AIG1: variants seen among roughly 807,000 people sequenced by gnomAD.
The protein encoded by AIG1 is androgen-induced gene 1 protein.
Under a neutral mutation model 31.4 loss-of-function variants are expected in AIG1, and 23 were observed. That is an observed-to-expected ratio of 0.73 (90% confidence interval 0.53 to 1.04). AIG1 has a LOEUF of 1.04. Among genes scored for constraint, AIG1 ranks in the 50% least tolerant of loss-of-function variants. AIG1 has a pLI of 0.00. For missense variants in AIG1, 274 were observed against 295.0 expected, an observed-to-expected ratio of 0.93 and a Z score of 0.52; for synonymous variants, 100 against 110.5, an observed-to-expected ratio of 0.90 and a Z score of 0.60.
chr6:143,200,852 T>G (rs1189160150), intron 3 of AIG1, among the ~76,000 whole-genome samples: 1 of 152,158 alleles, frequency 6.6e-6, no homozygotes, highest in Admixed American at 6.5e-5. Context: ...GATTTCTTCC[T>G]ACTCCACAGT....
intron 1 of AIG1, among the ~76,000 whole-genome samples, chr6:143,135,506 C>CTT (rs1783653279): frequency 6.6e-6 from 1 of 152,104 alleles, no homozygotes; most frequent in African/African-American, 2.4e-5. Flanking sequence ...GTCTTAGCTT[C>CTT]TTTTACTCTG....
intron 3 of AIG1, among the ~76,000 whole-genome samples, chr6:143,234,072 G>T (rs1267355761): frequency 1.3e-5 from 2 of 152,112 alleles, no homozygotes; most frequent in Non-Finnish European, 2.9e-5. Context: ...GTGCTTGAAC[G>T]GCAGGCAATG....
At chr6:143,132,283 C>T (rs1315831267) in intron 1 of AIG1, among the ~76,000 whole-genome samples, 2 of 152,124 alleles carry the variant, frequency 1.3e-5, no homozygotes, top group Non-Finnish European at 2.9e-5. Flanking sequence ...CTTCATTCCT[C>T]TAATATATCC....
rs908998332 is a variant in AIG1 at position 143,293,591 on chromosome 6, C to T, written c.515+9366C>T. On this transcript the variant is annotated intron_variant, in intron 4 of 5. Coordinates refer to ENST00000357847, the MANE Select transcript of AIG1 (RefSeq NM_016108.4). This position sits in a 1 kb window ranked among gnomAD's most constrained non-coding sequence, Gnocchi z 4.8. ...TCAGCTTCTTAGACCTGCATCTGGA[C>T]AGAAAAGGCTTGTGTATATAATCTG... Among the ~76,000 whole-genome samples the T allele has an allele frequency of 6.6e-6, 1 of 152,178 alleles. No homozygotes were observed. The highest frequency in any genetic ancestry group is 1.5e-5 in the Non-Finnish European group (1 of 68,042).
chr6:143,259,967 T>G (rs1468431781), intron 3 of AIG1, among the ~76,000 whole-genome samples: 1 of 151,904 alleles, frequency 6.6e-6, no homozygotes, highest in Non-Finnish European at 1.5e-5. Flanking sequence ...CAAAGCTGCA[T>G]TGGAGAAGGG....
chr6:143,220,830 A>T (rs1792438688), intron 3 of AIG1, among the ~76,000 whole-genome samples: 1 of 152,192 alleles, frequency 6.6e-6, no homozygotes, highest in Non-Finnish European at 1.5e-5. Context: ...ATTTTTTAAA[A>T]GTTCTTTCTT....
chr6:143,179,303 T>C (rs565458230), intron 3 of AIG1, among the ~76,000 whole-genome samples: 2 of 152,314 alleles, frequency 1.3e-5, no homozygotes, highest in Admixed American at 6.5e-5. Flanking sequence ...CCTGTTGAGA[T>C]CTGTATAATT....
chr6:143,123,992 G>T (rs1782452013), intron 1 of AIG1, among the ~76,000 whole-genome samples: 2 of 152,184 alleles, frequency 1.3e-5, no homozygotes, highest in African/African-American at 2.4e-5. Context: ...AACTCAGACT[G>T]CCAGTCTGAA....
chr6:143,205,256 C>T (rs1190982607), intron 3 of AIG1, among the ~76,000 whole-genome samples: 1 of 152,174 alleles, frequency 6.6e-6, no homozygotes, highest in Non-Finnish European at 1.5e-5. Context: ...ATGAAATCTG[C>T]TTTCTACAAA....
At chr6:143,166,499 C>T (rs559749179) in intron 3 of AIG1, among the ~76,000 whole-genome samples, 1 of 152,324 alleles carries the variant, frequency 6.6e-6, no homozygotes, top group Admixed American at 6.5e-5. Context: ...ACTCCCCAAG[C>T]AAAGTTAGCT....
intron 1 of AIG1, among the ~76,000 whole-genome samples, chr6:143,121,121 A>G (rs561393610): frequency 3.3e-5 from 5 of 152,372 alleles, no homozygotes; most frequent in East Asian, 1.9e-4. Context: ...CTTGCTGTCA[A>G]TAAATACATG....
At chr6:143,285,324 G>A (rs1033217537) in intron 4 of AIG1, among the ~76,000 whole-genome samples, 1 of 150,660 alleles carries the variant, frequency 6.6e-6, no homozygotes, top group African/African-American at 2.4e-5. Context: ...GGACAAGCAT[G>A]AGCCACCGCG....
intron 1 of AIG1, among the ~76,000 whole-genome samples, chr6:143,095,857 A>C (rs961386734): frequency 5.9e-5 from 9 of 152,064 alleles, no homozygotes; most frequent in Non-Finnish European, 7.4e-5. Context: ...CTATTGGTCA[A>C]AAATTGAGCT....
Position 143,152,678 on chromosome 6 carries a change from G to A in AIG1, c.298-12404G>A, listed in dbSNP as rs145534635. On this transcript the variant is annotated intron_variant, in intron 2 of 5. Coordinates refer to ENST00000357847, the MANE Select transcript of AIG1 (RefSeq NM_016108.4). ...GGGTTAGTTATTAGAATGGTAAAATGTTCACCTTATGGGATGATCTCACCT... is the reference window on the plus strand; with the variant it reads ...GGGTTAGTTATTAGAATGGTAAAATATTCACCTTATGGGATGATCTCACCT... 2.0e-4 allele frequency among the ~76,000 whole-genome samples: 30 copies of A among 152,232 alleles called. No homozygotes were observed. The East Asian group carries it at 5.6e-3, about 28-fold the overall frequency.
At chr6:143,322,554 A>G (rs1776298960) in intron 4 of AIG1, among the ~76,000 whole-genome samples, 1 of 152,224 alleles carries the variant, frequency 6.6e-6, no homozygotes, top group South Asian at 2.1e-4. Context: ...AAAACAGGTC[A>G]TGAATGTTAT....
rs1776808884 is a variant in AIG1, at chr6:143,328,648, G to A, written c.516-4634G>A. Among the ~76,000 whole-genome samples, 1 of 152,102 alleles carries A rather than the reference G, an allele frequency of 6.6e-6. No individual in the cohort carries two copies. The highest frequency in any genetic ancestry group is 2.4e-5 in the African/African-American group (1 of 41,434). ...AGATGTACACAGTTTCAAGGTATAT[G>A]TGTAATTTAATTCATTCATATAAGC... On this transcript the variant is annotated intron_variant, in intron 4 of 5. Transcript: ENST00000357847. The surrounding 1 kb of genome is among the most constrained non-coding windows in gnomAD (Gnocchi z 4.0).
intron 1 of AIG1, among the ~76,000 whole-genome samples, chr6:143,132,580 G>A (rs1783343354): frequency 6.6e-6 from 1 of 151,468 alleles, no homozygotes; most frequent in African/African-American, 2.4e-5. Context: ...CTCCACTGTT[G>A]AGCTTCTTGG....
In AIG1 at chr6:143,198,565, A is replaced by G. The variant is rs183708496; in HGVS notation, c.399+33382A>G. 6.6e-5 allele frequency among the ~76,000 whole-genome samples: 10 copies of G among 152,336 alleles called. No homozygotes were observed. The East Asian group carries it at 1.5e-3, about 23-fold the overall frequency. ...AGATACCAAAATAACAGTCGTTTAA[A>G]ATCGATGGTCTGGAGGTTGGCAGGC... On this transcript the variant is annotated intron_variant, in intron 3 of 5. Transcript: ENST00000357847.
In AIG1 at chr6:143,196,350, A is replaced by AACACACACACAC. The variant is rs71784011; in HGVS notation, c.399+31202_399+31213dup. Among the ~76,000 whole-genome samples, 544 of 141,700 alleles carry AACACACACACAC rather than the reference A, an allele frequency of 3.8e-3. 1 individual carries two copies. Among genetic ancestry groups the AACACACACACAC allele is most frequent in the African/African-American group, 4.6e-3 (175 of 38,082 alleles). The allele number at this position is 141,700 out of a possible 152,430, so 93.0% of individuals were successfully genotyped here. A position where few individuals can be genotyped will look rare whatever the true frequency, so the allele number is the denominator to read the frequency against. The stretch of plus-strand genomic sequence containing the variant: ...TCAGCACATCAAAAGCAACAAAAGC[A>AACACACACACAC]ACACACACACACACACACACACACA... On this transcript the variant is annotated intron_variant, in intron 3 of 5. Coordinates refer to ENST00000357847, the MANE Select transcript of AIG1 (RefSeq NM_016108.4).
Sources: gnomAD v4.1 joint callset for allele counts (sites outside exome capture counted in the v4.1 genomes callset) on GRCh38, gnomAD v4.1.1 for gene constraint, Gnocchi (gnomAD v3.1) non-coding constraint, MANE v1.5 for transcripts, NCBI Gene and HGNC (gene_info 2026-07-23, HGNC 2026-07-21) for gene names.